The following EEA1 variants were observed in gnomAD, a reference collection of about 807,000 sequenced individuals.
EEA1 encodes early endosome antigen 1.
EEA1 carries 111 observed loss-of-function variants against 209.2 expected under a neutral mutation model. The observed-to-expected ratio is 0.53, with a 90% CI of 0.45 to 0.62. The LOEUF (loss-of-function observed/expected upper bound fraction) is 0.62. Among genes scored for constraint, EEA1 ranks in the 20% least tolerant of loss-of-function variants. The pLI is 0.00. For synonymous variants in EEA1, 536 were observed against 540.6 expected (o/e 0.99, Z 0.12); for missense variants, 1,343 against 1,530.8 (o/e 0.88, Z 2.05).
At chr12:92,788,077 A>G (rs963949301) in intron 21 of EEA1, 28 bp from the exon 22 acceptor site, 31 of 1,482,324 alleles carry the variant, frequency 2.1e-5, no homozygotes, top group Middle Eastern at 1.9e-4. Context: ...TATTTAAAAC[A>G]GTATGCATTC....
intron 13 of EEA1, chr12:92,821,051 A>G (rs1027526902): frequency 1.1e-4 from 17 of 151,936 alleles, no homozygotes; most frequent in African/African-American, 4.1e-4. Flanking sequence ...TTAAATCCCT[A>G]CCTCATTCAC....
intron 2 of EEA1, among the ~76,000 whole-genome samples, chr12:92,868,121 G>A (rs139506412): frequency 2.6e-5 from 4 of 152,218 alleles, no homozygotes; most frequent in East Asian, 3.9e-4. Flanking sequence ...ATGAGCAAAC[G>A]GTAGTATTGA....
chr12:92,800,202 A>G (rs1426507874), intron 20 of EEA1, among the ~76,000 whole-genome samples: 1 of 152,158 alleles, frequency 6.6e-6, no homozygotes, highest in Non-Finnish European at 1.5e-5. Context: ...AGCTTGGCTG[A>G]CAGAGCGAGA....
chr12:92,896,674 G>C (rs532792244), intron 1 of EEA1, among the ~76,000 whole-genome samples: 49 of 151,806 alleles, frequency 3.2e-4, no homozygotes, highest in African/African-American at 1.2e-3. Flanking sequence ...GTGGTGGTGC[G>C]TGCCTGTAAT....
intron 26 of EEA1, 28 bp downstream of exon 26, chr12:92,777,913 T>A (rs755679519): frequency 6.3e-7 from 1 of 1,579,552 alleles, no homozygotes; most frequent in African/African-American, 1.4e-5. Flanking sequence ...ACAATGGAAA[T>A]AAACTAATTT....
At chr12:92,840,993 A>G (rs1877141317) in intron 10 of EEA1, among the ~76,000 whole-genome samples, 1 of 152,230 alleles carries the variant, frequency 6.6e-6, no homozygotes, top group African/African-American at 2.4e-5. Context: ...CATGTGGGAC[A>G]CAGTGAGAAG....
At chr12:92,809,449 G>A (rs952488415) in intron 17 of EEA1, among the ~76,000 whole-genome samples, 1 of 150,686 alleles carries the variant, frequency 6.6e-6, no homozygotes, top group Non-Finnish European at 1.5e-5. Flanking sequence ...ACCTTGGGAG[G>A]CAGAGGCAGG....
chr12:92,882,775 A>G (rs1284188092), intron 2 of EEA1, among the ~76,000 whole-genome samples: 1 of 152,174 alleles, frequency 6.6e-6, no homozygotes, highest in Non-Finnish European at 1.5e-5. Context: ...CCTGTGTGGT[A>G]TTCTGTGGTA....
At chr12:92,786,609 T>C (rs1874144398) in intron 22 of EEA1, among the ~76,000 whole-genome samples, 2 of 152,118 alleles carry the variant, frequency 1.3e-5, no homozygotes, top group African/African-American at 2.4e-5. Flanking sequence ...TCCTCTTTAA[T>C]GTTCATCCCA....
At chr12:92,776,220 ATGAAG>A (rs1873653442) in intron 28 of EEA1, 87 bp from the exon 29 acceptor site, 2 of 1,268,022 alleles carry the variant, frequency 1.6e-6, no homozygotes, top group Non-Finnish European at 2.1e-6. Context: ...CAACTACATT[ATGAAG>A]GTACATTAGC....
intron 13 of EEA1, among the ~76,000 whole-genome samples, chr12:92,820,774 T>TATATAC (rs1491468314): frequency 1.3e-4 from 8 of 61,910 alleles, no homozygotes; most frequent in African/African-American, 4.0e-4. Flanking sequence ...TATATATATA[T>TATATAC]ACACACACAC....
At chr12:92,893,946 C>T (rs1325455551) in intron 1 of EEA1, among the ~76,000 whole-genome samples, 2 of 151,910 alleles carry the variant, frequency 1.3e-5, no homozygotes, top group African/African-American at 2.4e-5. Flanking sequence ...GCAGATGTGG[C>T]GCTTTTTAGA....
intron 11 of EEA1, among the ~76,000 whole-genome samples, chr12:92,831,894 G>A (rs1422078784): frequency 2.0e-5 from 3 of 149,222 alleles, no homozygotes; most frequent in Admixed American, 2.0e-4. Context: ...GACCATCCTG[G>A]CTAACAAGGT....
chr12:92,903,312 A>G lies in EEA1; in HGVS notation c.25-11591T>C, dbSNP rs187541560. ...ATGAAGGTTATGTAGAAAAATGAGA[A>G]TGCAGTCGGAAGCGGTAGCTCACGC... On this transcript the variant is annotated intron_variant, in intron 1 of 28. Transcript: ENST00000322349. 3.0e-3 allele frequency among the ~76,000 whole-genome samples: 458 copies of G among 151,470 alleles called. 9 individuals carry two copies. The highest frequency in any genetic ancestry group is 0.024 in the Admixed American group (363 of 15,232).
At chr12:92,819,992 C>A (rs1429255899) in intron 13 of EEA1, among the ~76,000 whole-genome samples, 1 of 152,152 alleles carries the variant, frequency 6.6e-6, no homozygotes, top group South Asian at 2.1e-4. Context: ...TTCAGCCTTT[C>A]CCAATATTCC....
At chr12:92,792,315 C>A (rs1350657931) in intron 21 of EEA1, among the ~76,000 whole-genome samples, 1 of 151,762 alleles carries the variant, frequency 6.6e-6, no homozygotes, top group Non-Finnish European at 1.5e-5. Context: ...AAAAACCTTT[C>A]AAAAAAATTC....
chr12:92,867,802 A>G (rs1230357833), intron 2 of EEA1, among the ~76,000 whole-genome samples: 1 of 152,206 alleles, frequency 6.6e-6, no homozygotes, highest in Non-Finnish European at 1.5e-5. Flanking sequence ...ATACATATAC[A>G]CATACATATT....
At chr12:92,803,801 C>G (rs1236778111) in intron 18 of EEA1, among the ~76,000 whole-genome samples, 1 of 152,064 alleles carries the variant, frequency 6.6e-6, no homozygotes, top group African/African-American at 2.4e-5. Flanking sequence ...AGTCATTATA[C>G]TAATATTATT....
chr12:92,880,978 A>C (rs1021997605), intron 2 of EEA1, among the ~76,000 whole-genome samples: 3 of 152,214 alleles, frequency 2.0e-5, no homozygotes, highest in Non-Finnish European at 4.4e-5. Flanking sequence ...TCTTTGCCTC[A>C]TATATTCTGA....
Sources: allele counts gnomAD v4.1 joint callset (sites outside exome capture counted in the v4.1 genomes callset), GRCh38; gene constraint gnomAD v4.1.1; transcripts MANE v1.5; gene names NCBI Gene and HGNC (gene_info 2026-07-23, HGNC 2026-07-21).